PRELP: variants seen among roughly 807,000 people sequenced by gnomAD.
PRELP encodes proline and arginine rich end leucine rich repeat protein, also known as prolargin.
PRELP carries 16 observed loss-of-function variants against 22.8 expected under a neutral mutation model. The observed-to-expected ratio is 0.70, with a 90% confidence interval of 0.47 to 1.06. The LOEUF (loss-of-function observed/expected upper bound fraction) is 1.06, where lower values mean the gene tolerates loss of function less well. Ranked by LOEUF, PRELP falls within the 50% of genes least tolerant of loss-of-function variation. The pLI is 0.00. For synonymous variants in PRELP, 233 were observed against 211.4 expected, an observed-to-expected ratio of 1.10 and a Z score of -0.89; for missense variants, 434 against 485.2, an observed-to-expected ratio of 0.89 and a Z score of 0.99.
intron 1 of PRELP, among the ~76,000 whole-genome samples, chr1:203,479,920 T>C (rs1660971805): frequency 6.6e-6 from 1 of 151,892 alleles, no homozygotes; most frequent in Non-Finnish European, 1.5e-5. Context: ...AGATCCACAA[T>C]AGTTGGAATT....
Position 203,483,793 on chromosome 1 carries a change from G to A in PRELP, c.609G>A (p.Gln203=), listed in dbSNP as rs747818369. 9 of 1,614,048 alleles carry A rather than the reference G, an allele frequency of 5.6e-6. No individual in the cohort carries two copies. Among genetic ancestry groups the A allele is most frequent in the Non-Finnish European group, 7.6e-6 (9 of 1,180,012 alleles). The change falls in exon 2 of 3, where the codon CAG becomes CAA. Residue 203 remains glutamine (Q), a synonymous_variant. Transcript: ENST00000343110. This position sits in a 1 kb window ranked among gnomAD's most constrained non-coding sequence, Gnocchi z 4.4. The part of the protein sequence containing the change: ...KLENLLLLDL[Q]HNRLSDGVFK... Reference sequence around the variant, plus strand: ...AGAACCTGCTGCTCCTGGATCTCCAGCACAACAGGCTGAGCGACGGCGTCT... The same window carrying A: ...AGAACCTGCTGCTCCTGGATCTCCAACACAACAGGCTGAGCGACGGCGTCT...
intron 2 of PRELP, among the ~76,000 whole-genome samples, chr1:203,484,405 A>T (rs573032510): frequency 2.7e-4 from 41 of 152,258 alleles, no homozygotes; most frequent in Non-Finnish European, 5.1e-4. Context: ...TGATATGAGG[A>T]TGTAATAGTT....
In PRELP at chr1:203,487,030, T is replaced by G. The variant is rs1661106118; in HGVS notation, c.*149T>G. On this transcript the variant is annotated 3_prime_UTR_variant, in exon 3 of 3. Transcript: ENST00000343110. ...CTCGAGGCAGGGAAAAGCCATCTAT[T>G]CTTCTGCAGCCTCAGGAGCGAGACT... 1.1e-6 allele frequency: 1 copy of G among 938,926 alleles called. No homozygotes were observed. The highest frequency in any genetic ancestry group is 3.0e-5 in the Admixed American group (1 of 33,588). 58.2% of individuals were successfully genotyped at this position (938,926 alleles called of 1,614,324 possible).
At chr1:203,481,201 G>T (rs1364783366) in intron 1 of PRELP, among the ~76,000 whole-genome samples, 4 of 152,138 alleles carry the variant, frequency 2.6e-5, no homozygotes, top group Non-Finnish European at 5.9e-5. Flanking sequence ...AAGATTTCTA[G>T]ATCATTTCTA....
In PRELP at chr1:203,483,557, G is replaced by A; in HGVS notation, c.373G>A (p.Ala125Thr). The change falls in exon 2 of 3, where the codon GCC becomes ACC. Residue 125 changes from alanine to threonine, a missense_variant. Coordinates refer to ENST00000343110, the MANE Select transcript of PRELP (RefSeq NM_002725.4). This position sits in a 1 kb window ranked among gnomAD's most constrained non-coding sequence, Gnocchi z 4.4. ...GCTCCCGGTGGAGTCCTTCCAGAAT[G>A]CCACAGGCCTGCGATGGATTAACCT... Reference protein sequence around the residue: ...TELPVESFQNATGLRWINLDN... With the variant: ...TELPVESFQNTTGLRWINLDN... The A allele has an allele frequency of 6.2e-7, 1 of 1,614,188 alleles. No individual in the cohort carries two copies. Among genetic ancestry groups the A allele is most frequent in the Non-Finnish European group, 8.5e-7 (1 of 1,180,044 alleles).
chr1:203,484,020 C>A lies in PRELP; in HGVS notation c.836C>A (p.Thr279Lys). Residue 279 changes from threonine (T) to lysine (K), a missense_variant, in exon 2 of 3, where the codon ACA becomes AAA. Transcript: ENST00000343110. ...ATTCGGCTTAACTACAACAAGCTGA[C>A]AGACAGGGGACTCCCCAAGAACTCC... is the stretch of plus-strand genomic sequence containing the variant. Reference protein sequence around the residue: ...AFIRLNYNKLTDRGLPKNSFN... With the variant: ...AFIRLNYNKLKDRGLPKNSFN... 6.2e-7 allele frequency: 1 copy of A among 1,614,270 alleles called. No individual in the cohort carries two copies. Among genetic ancestry groups the A allele is most frequent in the Non-Finnish European group, 8.5e-7 (1 of 1,180,048 alleles).
intron 1 of PRELP, among the ~76,000 whole-genome samples, chr1:203,481,247 T>A (rs1255403557): frequency 5.9e-5 from 9 of 151,480 alleles, no homozygotes; most frequent in South Asian, 2.1e-4. Flanking sequence ...TTTTTTTTTT[T>A]AAATCAGGGT....
intron 2 of PRELP, 53 bp downstream of exon 2, chr1:203,484,210 G>T: frequency 1.9e-6 from 3 of 1,579,182 alleles, no homozygotes; most frequent in Non-Finnish European, 2.6e-6. Flanking sequence ...GGCTTGTGTA[G>T]CACTTCCACC....
rs954452750 is a variant in PRELP at position 203,483,062 on chromosome 1, G to A, written c.-16-107G>A. 3.3e-6 allele frequency: 3 copies of A among 901,838 alleles called. No homozygotes were observed. Among genetic ancestry groups the A allele is most frequent in the Non-Finnish European group, 5.1e-6 (3 of 585,102 alleles). The allele number at this position is 901,838 out of a possible 1,614,324, so 55.9% of individuals were successfully genotyped here. A position where few individuals can be genotyped will look rare whatever the true frequency, so the allele number is the denominator to read the frequency against. ...ATGCTTCCACAGCTCCCTGAGCTCT[G>A]CCCATCTTCCCTAGAGCTCTAGTTC... On this transcript the variant is annotated intron_variant, in intron 1 of 2. Transcript: ENST00000343110. The surrounding 1 kb of genome is among the most constrained non-coding windows in gnomAD (Gnocchi z 4.4).
intron 1 of PRELP, among the ~76,000 whole-genome samples, chr1:203,481,780 A>C (rs916913324): frequency 6.6e-6 from 1 of 152,082 alleles, no homozygotes. Context: ...GAGTGTGCAG[A>C]CTGGATCTGC....
Position 203,489,978 on chromosome 1 carries a change from A to G in PRELP, c.*3097A>G, listed in dbSNP as rs1376920856. 6.6e-6 allele frequency: 1 copy of G among 152,142 alleles called. No homozygotes were observed. Among genetic ancestry groups the G allele is most frequent in the East Asian group, 1.9e-4 (1 of 5,200 alleles). The allele number at this position is 152,142 out of a possible 1,614,324, so 9.4% of individuals were successfully genotyped here. A position where few individuals can be genotyped will look rare whatever the true frequency, so the allele number is the denominator to read the frequency against. On this transcript the variant is annotated 3_prime_UTR_variant, in exon 3 of 3. Transcript: ENST00000343110. ...TTTAAAAAAAATAAAAATAAAAATA[A>G]AAATAAAGTCATCTTGCCACCCACC...
In PRELP at chr1:203,484,087, C is replaced by T; in HGVS notation, c.903C>T (p.Asn301=). ...TGCTTGTGCTCCACCTGTCCCACAA[C>T]AGGATCAGCAGTGTGCCCGCCATCA... is the stretch of plus-strand genomic sequence containing the variant. ...SNLLVLHLSH[N]RISSVPAINN... Residue 301 remains asparagine, a synonymous_variant, in exon 2 of 3, where the codon AAC becomes AAT. Transcript: ENST00000343110. 1.2e-6 allele frequency: 2 copies of T among 1,614,096 alleles called. No homozygotes were observed. Among genetic ancestry groups the T allele is most frequent in the Non-Finnish European group, 1.7e-6 (2 of 1,180,030 alleles).
rs180699059 is a variant in PRELP at position 203,484,252 on chromosome 1, A to G, written c.973+95A>G. On this transcript the variant is annotated intron_variant, in intron 2 of 2. Coordinates refer to ENST00000343110, the MANE Select transcript of PRELP (RefSeq NM_002725.4). ...AGGGAGACTCAGGGTGGGGTGGTAT[A>G]AAAAGCATCCACTTTGGCACTGGAC... The G allele has an allele frequency of 8.7e-6, 13 of 1,494,660 alleles. No individual in the cohort carries two copies. In the Admixed American group the frequency reaches 2.4e-4, roughly 28 times the overall value. 92.6% of individuals were successfully genotyped at this position (1,494,660 alleles called of 1,614,324 possible). A position where few individuals can be genotyped will look rare whatever the true frequency, so the allele number is the denominator to read the frequency against.
In PRELP at chr1:203,486,389, A is replaced by G. The variant is rs1048708697; in HGVS notation, c.974-317A>G. Among the ~76,000 whole-genome samples, 12 of 152,338 alleles carry G rather than the reference A, an allele frequency of 7.9e-5. No homozygotes were observed. In the South Asian group the frequency reaches 8.3e-4, roughly 11 times the overall value. Reference sequence around the variant, plus strand: ...CAACTTCATTCAAACAGATTCCTCTATCAGAACACCATCCCCCAGGTCTCC... The same window carrying G: ...CAACTTCATTCAAACAGATTCCTCTGTCAGAACACCATCCCCCAGGTCTCC... On this transcript the variant is annotated intron_variant, in intron 2 of 2. Transcript: ENST00000343110.
chr1:203,483,865 C>A lies in PRELP; in HGVS notation c.681C>A (p.Asn227Lys), dbSNP rs1452182056. Residue 227 changes from asparagine (N) to lysine (K), a missense_variant, in exon 2 of 3, where the codon AAC (asparagine) becomes AAA (lysine). Asn to Lys is a moderately conservative substitution (Grantham distance 94). Transcript: ENST00000343110. This position sits in a 1 kb window ranked among gnomAD's most constrained non-coding sequence, Gnocchi z 4.4. Reference protein sequence around the residue: ...FHGLKNLMQLNLAHNILRKMP... With the variant: ...FHGLKNLMQLKLAHNILRKMP... The stretch of plus-strand genomic sequence containing the variant: ...GCCTCAAGAACCTCATGCAGCTCAA[C>A]CTGGCCCACAACATCCTGAGAAAGA... 6.2e-7 allele frequency: 1 copy of A among 1,614,218 alleles called. No homozygotes were observed. Among genetic ancestry groups the A allele is most frequent in the Admixed American group, 1.7e-5 (1 of 60,028 alleles).
At chr1:203,484,287 T>C in intron 2 of PRELP, 130 bp downstream of exon 2, 3 of 1,369,780 alleles carry the variant, frequency 2.2e-6, no homozygotes, top group South Asian at 1.5e-5. Flanking sequence ...CTTCAATTCA[T>C]GGCCTTGCCA....
chr1:203,487,060 G>T lies in PRELP; in HGVS notation c.*179G>T. The T allele has an allele frequency of 1.4e-6, 1 of 722,514 alleles. No homozygotes were observed. The highest frequency in any genetic ancestry group is 2.9e-5 in the East Asian group (1 of 34,970). The allele number at this position is 722,514 out of a possible 1,614,324, so 44.8% of individuals were successfully genotyped here. Reference sequence around the variant, plus strand: ...TGCAGCCTCAGGAGCGAGACTTCAAGGACTCAGTTTGGTTCCACCCAGTTG... The same window carrying T: ...TGCAGCCTCAGGAGCGAGACTTCAATGACTCAGTTTGGTTCCACCCAGTTG... On this transcript the variant is annotated 3_prime_UTR_variant, in exon 3 of 3. Transcript: ENST00000343110.
At chr1:203,485,173 A>G (rs1191757184) in intron 2 of PRELP, among the ~76,000 whole-genome samples, 1 of 151,914 alleles carries the variant, frequency 6.6e-6, no homozygotes, top group African/African-American at 2.4e-5. Context: ...CTTACAAAAA[A>G]AAAATGGGAA....
chr1:203,476,671 G>A (rs1263817781), intron 1 of PRELP, among the ~76,000 whole-genome samples: 1 of 152,156 alleles, frequency 6.6e-6, no homozygotes, highest in Non-Finnish European at 1.5e-5. Context: ...CACTGGGTAG[G>A]AGGGAGAGAA....
Sources: gnomAD v4.1 joint callset for allele counts (sites outside exome capture counted in the v4.1 genomes callset) on GRCh38, gnomAD v4.1.1 for gene constraint, Gnocchi (gnomAD v3.1) non-coding constraint, MANE v1.5 for transcripts, NCBI Gene and HGNC (gene_info 2026-07-23, HGNC 2026-07-21) for gene names.